THNSL1: variants seen among roughly 807,000 people sequenced by gnomAD.
THNSL1 encodes threonine synthase-like 1.
Under a neutral mutation model 50.4 loss-of-function variants are expected in THNSL1, and 48 were observed. The observed-to-expected ratio is 0.95, with a 90% CI of 0.76 to 1.21. The LOEUF (loss-of-function observed/expected upper bound fraction) is 1.21, where lower values mean the gene tolerates loss of function less well. Among genes scored for constraint, THNSL1 ranks in the 50% most tolerant of loss-of-function variants. THNSL1 has a pLI of 0.00. For synonymous variants in THNSL1, 309 were observed against 306.1 expected (o/e 1.01, Z -0.10); for missense variants, 896 against 871.7 (o/e 1.03, Z -0.35).
At chr10:24,955,302 T>G in the THNSL1 span, among the ~76,000 whole-genome samples, 2 of 152,156 alleles carry the variant, frequency 1.3e-5, no homozygotes, top group African/African-American at 2.4e-5. Flanking sequence ...GGAATTACAA[T>G]TCAACATGAG....
the THNSL1 span, chr10:24,995,742 C>G: frequency 6.2e-7 from 1 of 1,613,972 alleles, no homozygotes; most frequent in South Asian, 1.1e-5. Flanking sequence ...GCTTTTTAGC[C>G]ACTCCCATGA....
At chr10:25,020,395 T>A (rs1332414227) in intron 1 of THNSL1, among the ~76,000 whole-genome samples, 1 of 152,038 alleles carries the variant, frequency 6.6e-6, no homozygotes, top group Non-Finnish European at 1.5e-5. Flanking sequence ...GAAGGTAACA[T>A]AATGTTTCCT....
chr10:24,967,285 C>T, the THNSL1 span, among the ~76,000 whole-genome samples: 3 of 152,232 alleles, frequency 2.0e-5, no homozygotes, highest in East Asian at 1.9e-4. Flanking sequence ...GTTCTTCTGT[C>T]ATTACTCTAC....
chr10:24,993,020 G>A, the THNSL1 span, among the ~76,000 whole-genome samples: 4 of 152,164 alleles, frequency 2.6e-5, no homozygotes, highest in Non-Finnish European at 4.4e-5. Flanking sequence ...ATGACTGGGC[G>A]CAGTGGCTCA....
Position 25,023,369 on chromosome 10 carries a change from C to T in THNSL1, c.146C>T (p.Thr49Ile), listed in dbSNP as rs1850763669. The T allele has an allele frequency of 1.2e-6, 2 of 1,614,026 alleles. No homozygotes were observed. Among genetic ancestry groups the T allele is most frequent in the Non-Finnish European group, 1.7e-6 (2 of 1,180,004 alleles). ...LAELRKSWYS[T>I]HSLVGDKNII... ...GAATTGAGGAAGTCATGGTATTCAA[C>T]CCACTCTCTTGTTGGAGACAAAAAT... The change falls in exon 3 of 3, where the codon ACC becomes ATC. Residue 49 changes from threonine (T) to isoleucine (I), a missense_variant. Thr to Ile is a moderately conservative substitution (Grantham distance 89). Transcript: ENST00000376356.
chr10:24,988,558 G>A, the THNSL1 span, among the ~76,000 whole-genome samples: 3 of 147,312 alleles, frequency 2.0e-5, no homozygotes, highest in Non-Finnish European at 4.5e-5. Context: ...ATATGAATGT[G>A]TGTCTGTGTG....
chr10:24,988,758 C>T, the THNSL1 span, among the ~76,000 whole-genome samples: 1 of 107,826 alleles, frequency 9.3e-6, no homozygotes, highest in Non-Finnish European at 1.8e-5. Flanking sequence ...AGTTTGGAAT[C>T]ACTAGACCAG....
chr10:25,020,825 T>C (rs1245790904), intron 1 of THNSL1, among the ~76,000 whole-genome samples: 3 of 152,058 alleles, frequency 2.0e-5, no homozygotes, highest in African/African-American at 7.2e-5. Flanking sequence ...CAGAAAGTTA[T>C]GTATTGCAAA....
At chr10:24,991,103 CATAA>C in the THNSL1 span, among the ~76,000 whole-genome samples, 1 of 152,130 alleles carries the variant, frequency 6.6e-6, no homozygotes, top group African/African-American at 2.4e-5. Context: ...TCTCTAAATA[CATAA>C]ATAAATGGAG....
At chr10:24,999,791 C>G in the THNSL1 span, among the ~76,000 whole-genome samples, 4 of 152,156 alleles carry the variant, frequency 2.6e-5, no homozygotes, top group African/African-American at 4.8e-5. Context: ...ATCCTTTGAA[C>G]ATCTGTAGCA....
upstream of THNSL1, among the ~76,000 whole-genome samples, chr10:25,014,823 T>C (rs1325099285): frequency 2.6e-5 from 4 of 152,316 alleles, no homozygotes; most frequent in Non-Finnish European, 5.9e-5. Context: ...TTAAACCAGA[T>C]ACTTAAAATT....
At chr10:24,971,966 G>A in the THNSL1 span, among the ~76,000 whole-genome samples, 26 of 152,248 alleles carry the variant, frequency 1.7e-4, no homozygotes, top group South Asian at 1.0e-3. Context: ...CTAGGCGGGC[G>A]GATCACCTGA....
At chr10:24,956,282 C>T in the THNSL1 span, among the ~76,000 whole-genome samples, 1 of 151,918 alleles carries the variant, frequency 6.6e-6, no homozygotes, top group African/African-American at 2.4e-5. Context: ...TGATCCTTAC[C>T]CTCCTCCCGC....
chr10:24,967,710 T>C, the THNSL1 span, among the ~76,000 whole-genome samples: 3 of 151,912 alleles, frequency 2.0e-5, no homozygotes, highest in East Asian at 1.9e-4. Context: ...ATGATGTGTG[T>C]ATACGTGTGT....
intron 1 of THNSL1, 126 bp from the exon 2 acceptor site, chr10:25,021,616 A>T (rs1850720581): frequency 6.6e-6 from 1 of 152,214 alleles, no homozygotes; most frequent in Non-Finnish European, 1.5e-5. Context: ...GAAACATATG[A>T]AAAGGGTCAA....
upstream of THNSL1, among the ~76,000 whole-genome samples, chr10:25,015,308 A>C (rs533549987): frequency 6.6e-5 from 10 of 152,166 alleles, no homozygotes; most frequent in Non-Finnish European, 1.2e-4. Context: ...AAACCATTAG[A>C]TCTGAAAAAG....
Position 25,016,638 on chromosome 10 carries a change from C to A in THNSL1, c.-270C>A, listed in dbSNP as rs1273339706. 1.3e-5 allele frequency: 2 copies of A among 152,470 alleles called. No individual in the cohort carries two copies. Among genetic ancestry groups the A allele is most frequent in the African/African-American group, 4.8e-5 (2 of 41,456 alleles). 9.4% of individuals were successfully genotyped at this position (152,470 alleles called of 1,614,324 possible). A position where few individuals can be genotyped will look rare whatever the true frequency, so the allele number is the denominator to read the frequency against. On this transcript the variant is annotated 5_prime_UTR_variant, in exon 1 of 3. Coordinates refer to ENST00000376356, the MANE Select transcript of THNSL1 (RefSeq NM_024838.5). ...TGGAGCGGAGGCACGCTGGCCGCCG[C>A]AGGCACAGGCGCAGAGTCCACTGCG...
Position 25,024,805 on chromosome 10 carries a change from C to T in THNSL1, c.1582C>T (p.Arg528Ter), listed in dbSNP as rs139395919. ...VYAKMMGIPI[R>*]KFICASNQNH... Reference sequence around the variant, plus strand: ...TGCCAAAATGATGGGAATCCCGATTCGAAAATTTATCTGTGCCTCTAATCA... The same window carrying T: ...TGCCAAAATGATGGGAATCCCGATTTGAAAATTTATCTGTGCCTCTAATCA... Residue 528 changes from arginine to a stop codon, truncating the protein, a stop_gained, in exon 3 of 3, where the codon CGA (arginine) becomes TGA (stop). Transcript: ENST00000376356. LOFTEE classifies it high-confidence loss of function. 50 of 1,614,074 alleles carry T rather than the reference C, an allele frequency of 3.1e-5. No homozygotes were observed. In the African/African-American group the frequency reaches 4.8e-4, roughly 15 times the overall value.
the THNSL1 span, among the ~76,000 whole-genome samples, chr10:24,965,060 CAA>C: frequency 7.3e-3 from 875 of 120,368 alleles, 6 homozygotes; most frequent in African/African-American, 0.024. Flanking sequence ...AATCCTATCT[CAA>C]AAAAAAAAAA....
Sources: gnomAD v4.1 joint callset for allele counts (sites outside exome capture counted in the v4.1 genomes callset) on GRCh38, gnomAD v4.1.1 for gene constraint, MANE v1.5 for transcripts, NCBI Gene and HGNC (gene_info 2026-07-23, HGNC 2026-07-21) for gene names.